Variants in PSD2 observed in about 807,000 individuals in gnomAD.
PSD2 encodes the protein pleckstrin and Sec7 domain containing 2, also known as PH and SEC7 domain-containing protein 2.
A neutral mutation model predicts 69.8 loss-of-function variants in PSD2; 38 were observed. The observed-to-expected ratio is 0.54, with a 90% CI of 0.42 to 0.71. The LOEUF (loss-of-function observed/expected upper bound fraction) is 0.71, where lower values mean the gene tolerates loss of function less well. Ranked by LOEUF, PSD2 falls within the 30% of genes least tolerant of loss-of-function variation. The pLI, the probability that PSD2 is intolerant of heterozygous loss-of-function variation, is 0.00. For synonymous variants in PSD2, 412 were observed against 423.0 expected, an observed-to-expected ratio of 0.97 and a Z score of 0.32; for missense variants, 943 against 1,014.5, an observed-to-expected ratio of 0.93 and a Z score of 0.96.
chr5:139,842,170 AG>A, intron 14 of PSD2, 100 bp from the exon 15 acceptor site: 1 of 862,908 alleles, frequency 1.2e-6, no homozygotes, highest in East Asian at 2.6e-5. Flanking sequence ...GATTTGTGAA[AG>A]CTCTCTGCAT....
intron 1 of PSD2, among the ~76,000 whole-genome samples, chr5:139,808,975 G>A (rs1405709722): frequency 3.9e-5 from 6 of 152,200 alleles, no homozygotes; most frequent in East Asian, 3.9e-4. Context: ...GTAAGAACAC[G>A]GGAAGAGGCT....
At chr5:139,830,694 T>C (rs1367840601) in intron 7 of PSD2, among the ~76,000 whole-genome samples, 4 of 137,022 alleles carry the variant, frequency 2.9e-5, no homozygotes, top group African/African-American at 5.5e-5. Flanking sequence ...CTTTTCTTTT[T>C]TTTTTTTTAG....
the PSD2 span, among the ~76,000 whole-genome samples, chr5:139,782,129 A>G: frequency 6.6e-6 from 1 of 152,214 alleles, no homozygotes; most frequent in Non-Finnish European, 1.5e-5. Flanking sequence ...TCAGCCCAGT[A>G]TCTGGCCTGT....
intron 7 of PSD2, among the ~76,000 whole-genome samples, chr5:139,830,195 CTTCA>C (rs1290831174): frequency 6.6e-6 from 1 of 151,632 alleles, no homozygotes; most frequent in Middle Eastern, 3.4e-3. Flanking sequence ...TATTCAGGTC[CTTCA>C]TTCATTTTAA....
At chr5:139,801,563 C>T (rs1759675055) in intron 1 of PSD2, among the ~76,000 whole-genome samples, 1 of 152,068 alleles carries the variant, frequency 6.6e-6, no homozygotes, top group African/African-American at 2.4e-5. Context: ...ATCAGGGTGC[C>T]CCAGCACTTG....
At chr5:139,832,716 C>A (rs1022675513) in intron 7 of PSD2, among the ~76,000 whole-genome samples, 8 of 152,208 alleles carry the variant, frequency 5.3e-5, no homozygotes, top group African/African-American at 1.2e-4. Flanking sequence ...GAGCAAACCC[C>A]AATCCACAAA....
At position 139,843,362 on chromosome 5, in the gene PSD2, T is replaced by C. The variant is rs1031563630; in HGVS notation, c.*888T>C. 5 of 152,220 alleles carry C rather than the reference T, an allele frequency of 3.3e-5. No individual in the cohort carries two copies. The highest frequency in any genetic ancestry group is 1.2e-4 in the African/African-American group (5 of 41,448). 9.4% of individuals were successfully genotyped at this position (152,220 alleles called of 1,614,324 possible). ...TGACTTATACTGCTCTTACCGATGA[T>C]ACTTTTGGAAAAAATAGAGCGTGTA... On this transcript the variant is annotated 3_prime_UTR_variant, in exon 15 of 15. Transcript: ENST00000274710.
chr5:139,802,139 G>T (rs556101556), intron 1 of PSD2, among the ~76,000 whole-genome samples: 5 of 151,010 alleles, frequency 3.3e-5, no homozygotes, highest in South Asian at 2.1e-4. Context: ...GGGAGGACTC[G>T]CCTGGGGAGA....
the PSD2 span, among the ~76,000 whole-genome samples, chr5:139,787,497 A>G: frequency 3.3e-4 from 51 of 152,366 alleles, no homozygotes; most frequent in Admixed American, 9.8e-4. Flanking sequence ...CATGCGTGGC[A>G]AGAACTCAGC....
At position 139,813,569 on chromosome 5, in the gene PSD2, C is replaced by T. The variant is rs766929694; in HGVS notation, c.632C>T (p.Ala211Val). The T allele has an allele frequency of 1.7e-5, 28 of 1,612,532 alleles. No homozygotes were observed. The highest frequency in any genetic ancestry group is 2.3e-5 in the Non-Finnish European group (27 of 1,178,846). Residue 211 changes from alanine to valine, a missense_variant, in exon 3 of 15, where the codon GCA becomes GTA. Physicochemically the swap from Ala to Val is moderately conservative, Grantham distance 64. This residue lies in a region of PSD2 where 466 missense variants were observed against 445.0 expected (regional missense o/e 1.05). Coordinates refer to ENST00000274710, the MANE Select transcript of PSD2 (RefSeq NM_032289.4). ...ATGGCGTTTGAGGGGGACATGGGGG[C>T]AGCTGGTGGTGATGGGGAGCTGGGC... is the stretch of plus-strand genomic sequence containing the variant. ...GDMAFEGDMGAAGGDGELGSP... is the reference protein window; with the variant it reads ...GDMAFEGDMGVAGGDGELGSP...
At chr5:139,762,867 G>A in the PSD2 span, among the ~76,000 whole-genome samples, 1 of 152,134 alleles carries the variant, frequency 6.6e-6, no homozygotes, top group African/African-American at 2.4e-5. Context: ...TGGCAGAGTG[G>A]GGAGAGATGG....
At chr5:139,776,167 G>C in the PSD2 span, among the ~76,000 whole-genome samples, 1 of 152,224 alleles carries the variant, frequency 6.6e-6, no homozygotes, top group African/African-American at 2.4e-5. Flanking sequence ...GGGCTGGGGA[G>C]GGGTATCCAG....
At chr5:139,787,067 T>G in the PSD2 span, among the ~76,000 whole-genome samples, 2 of 150,670 alleles carry the variant, frequency 1.3e-5, no homozygotes, top group Non-Finnish European at 3.0e-5. Flanking sequence ...GCCTGGGGGG[T>G]GTGTGGGATG....
At chr5:139,796,675 G>A (rs530596438) in intron 1 of PSD2, among the ~76,000 whole-genome samples, 1 of 152,348 alleles carries the variant, frequency 6.6e-6, no homozygotes, top group South Asian at 2.1e-4. Context: ...GGCCCCCTCG[G>A]AGGAGGAGGT....
chr5:139,768,829 A>G, the PSD2 span, among the ~76,000 whole-genome samples: 1 of 152,098 alleles, frequency 6.6e-6, no homozygotes, highest in East Asian at 1.9e-4. Flanking sequence ...TGGTGGGTGC[A>G]TCATGCCTCT....
At chr5:139,808,993 C>T (rs1368882528) in intron 1 of PSD2, among the ~76,000 whole-genome samples, 1 of 152,202 alleles carries the variant, frequency 6.6e-6, no homozygotes, top group African/African-American at 2.4e-5. Flanking sequence ...GCTAGGGGAC[C>T]GGCTGCTGAC....
At chr5:139,749,315 C>T in the PSD2 span, among the ~76,000 whole-genome samples, 1 of 152,218 alleles carries the variant, frequency 6.6e-6, no homozygotes, top group Non-Finnish European at 1.5e-5. Flanking sequence ...TCCCAGAGTT[C>T]CAGTGTCTGA....
At chr5:139,747,567 GCCT>G in the PSD2 span, among the ~76,000 whole-genome samples, 1 of 152,218 alleles carries the variant, frequency 6.6e-6, no homozygotes, top group Non-Finnish European at 1.5e-5. The surrounding 1 kb of genome is among the most constrained non-coding windows in gnomAD (Gnocchi z 6.7). Context: ...CGGATGGGTG[GCCT>G]CCTGAAGGCT....
At chr5:139,780,488 G>C in the PSD2 span, among the ~76,000 whole-genome samples, 1 of 152,080 alleles carries the variant, frequency 6.6e-6, no homozygotes, top group East Asian at 1.9e-4. Flanking sequence ...CTATTGCCCA[G>C]GCTGGAGTGC....
Sources: allele counts gnomAD v4.1 joint callset (sites outside exome capture counted in the v4.1 genomes callset), GRCh38; gene constraint gnomAD v4.1.1; regional missense constraint gnomAD v4.1.1; non-coding constraint Gnocchi (gnomAD v3.1); transcripts MANE v1.5; gene names NCBI Gene and HGNC (gene_info 2026-07-23, HGNC 2026-07-21).